Variants in ATF1 observed in about 807,000 individuals in gnomAD.
The protein encoded by ATF1 is cyclic AMP-dependent transcription factor ATF-1.
In ATF1, 16 loss-of-function variants were observed where a neutral mutation model predicts 34.7. That is an observed-to-expected ratio of 0.46 (90% CI 0.31 to 0.70). The LOEUF (loss-of-function observed/expected upper bound fraction) is 0.70. Among genes scored for constraint, ATF1 ranks in the 30% least tolerant of loss-of-function variants. The probability of loss-of-function intolerance (pLI) is 0.05; values close to 1 mark genes in which losing one functional copy is unlikely to be tolerated. For synonymous variants in ATF1, 105 were observed against 113.1 expected, an observed-to-expected ratio of 0.93 and a Z score of 0.46; for missense variants, 255 against 321.6, an observed-to-expected ratio of 0.79 and a Z score of 1.58.
rs913894290 is a variant in ATF1 at position 50,800,282 on chromosome 12, G to C, written c.194+4273G>C. Among the ~76,000 whole-genome samples the C allele has an allele frequency of 1.2e-4, 18 of 152,200 alleles. 1 individual carries two copies. Among genetic ancestry groups the C allele is most frequent in the Non-Finnish European group, 2.9e-5 (2 of 68,034 alleles). ...CTATGTCTACTGAAAACATCCTTCA[G>C]ACTTGGAGGTCAAATAAATATTCTC... On this transcript the variant is annotated intron_variant, in intron 3 of 6. Transcript: ENST00000262053.
At chr12:50,802,847 G>A (rs1233773290) in intron 3 of ATF1, among the ~76,000 whole-genome samples, 1 of 130,418 alleles carries the variant, frequency 7.7e-6, no homozygotes, top group African/African-American at 3.1e-5. Context: ...ACTCCAGCCT[G>A]GGTATCAGAA....
chr12:50,815,773 C>G (rs1490331795), intron 6 of ATF1, among the ~76,000 whole-genome samples: 1 of 151,934 alleles, frequency 6.6e-6, no homozygotes, highest in Non-Finnish European at 1.5e-5. Context: ...AGAAATCTAC[C>G]CAAAGGAAAA....
chr12:50,787,003 T>A (rs1262434098), intron 2 of ATF1, among the ~76,000 whole-genome samples: 1 of 152,188 alleles, frequency 6.6e-6, no homozygotes, highest in East Asian at 1.9e-4. Context: ...TAGAGGAATT[T>A]GAAGCTGGTA....
At chr12:50,779,182 T>G (rs1241658634) in intron 1 of ATF1, among the ~76,000 whole-genome samples, 1 of 152,244 alleles carries the variant, frequency 6.6e-6, no homozygotes, top group East Asian at 1.9e-4. Flanking sequence ...TTTGGGTTGC[T>G]TCCACCTTTT....
intron 6 of ATF1, among the ~76,000 whole-genome samples, chr12:50,816,481 C>T (rs1221709799): frequency 1.3e-5 from 2 of 152,122 alleles, no homozygotes; most frequent in African/African-American, 2.4e-5. Flanking sequence ...TTAACAAAAA[C>T]CTATTAATAC....
At chr12:50,797,313 G>A (rs1035381337) in intron 3 of ATF1, among the ~76,000 whole-genome samples, 1 of 152,178 alleles carries the variant, frequency 6.6e-6, no homozygotes, top group African/African-American at 2.4e-5. Context: ...GGTGTATGTT[G>A]TAAAGTAAAA....
intron 3 of ATF1, among the ~76,000 whole-genome samples, chr12:50,799,498 G>GA (rs1669691666): frequency 2.0e-5 from 3 of 152,142 alleles, no homozygotes; most frequent in Admixed American, 2.0e-4. Flanking sequence ...AAAGAACAAG[G>GA]AAAAATCTCA....
intron 2 of ATF1, among the ~76,000 whole-genome samples, chr12:50,784,702 T>G (rs188067859): frequency 2.0e-4 from 30 of 152,188 alleles, no homozygotes; most frequent in African/African-American, 6.0e-4. Context: ...CAGACTGCTT[T>G]GTGGAATAGA....
At chr12:50,784,566 G>A (rs1188897623) in intron 2 of ATF1, among the ~76,000 whole-genome samples, 1 of 152,140 alleles carries the variant, frequency 6.6e-6, no homozygotes, top group African/African-American at 2.4e-5. Flanking sequence ...TGCGAAGAGG[G>A]GAGAGTGCCA....
At chr12:50,792,554 G>A (rs1401242273) in intron 2 of ATF1, among the ~76,000 whole-genome samples, 1 of 152,144 alleles carries the variant, frequency 6.6e-6, no homozygotes, top group Non-Finnish European at 1.5e-5. Context: ...GTGGTCGAGA[G>A]TTGGAACTTT....
intron 1 of ATF1, among the ~76,000 whole-genome samples, chr12:50,772,890 C>T (rs1940812012): frequency 6.6e-6 from 1 of 152,128 alleles, no homozygotes; most frequent in Admixed American, 6.6e-5. Context: ...CATCCATTAG[C>T]TGTTCTTCCT....
chr12:50,799,712 G>A (rs1225731040), intron 3 of ATF1, among the ~76,000 whole-genome samples: 1 of 152,188 alleles, frequency 6.6e-6, no homozygotes, highest in Non-Finnish European at 1.5e-5. Context: ...AAGAAACACA[G>A]TAACAGAGAT....
At chr12:50,767,364 CA>C (rs1233553913) in intron 1 of ATF1, among the ~76,000 whole-genome samples, 1 of 151,976 alleles carries the variant, frequency 6.6e-6, no homozygotes, top group Admixed American at 6.6e-5. Flanking sequence ...ACTAAAAATA[CA>C]AAAAATTAGC....
chr12:50,777,802 G>C (rs1331748903), intron 1 of ATF1, among the ~76,000 whole-genome samples: 1 of 151,374 alleles, frequency 6.6e-6, no homozygotes, highest in African/African-American at 2.4e-5. Context: ...AATGTTTTCT[G>C]ACTTAGAAAA....
chr12:50,775,344 A>G lies in ATF1; in HGVS notation c.-6-4796A>G, dbSNP rs1196373590. On this transcript the variant is annotated intron_variant, in intron 1 of 6. Transcript: ENST00000262053. ...TGTGTGTTTTTTTTTTGATCATATT[A>G]GTTTCTATTAGAAGTAGGAATGTAT... Among the ~76,000 whole-genome samples the G allele has an allele frequency of 2.0e-5, 3 of 151,884 alleles. No homozygotes were observed. In the East Asian group the frequency reaches 5.8e-4, roughly 29 times the overall value.
intron 1 of ATF1, among the ~76,000 whole-genome samples, 173 bp from the exon 2 acceptor site, chr12:50,779,967 C>CT (rs1941018683): frequency 6.6e-6 from 1 of 151,954 alleles, no homozygotes; most frequent in Non-Finnish European, 1.5e-5. Flanking sequence ...TTTTTGTGGG[C>CT]CAAAATTCAA....
intron 1 of ATF1, among the ~76,000 whole-genome samples, chr12:50,774,921 G>C (rs928620309): frequency 2.6e-5 from 4 of 151,500 alleles, no homozygotes; most frequent in Non-Finnish European, 5.9e-5. Flanking sequence ...CTAATTTTTT[G>C]TATTTTTAGT....
rs1941911860 is a variant in ATF1, at chr12:50,819,767, T to C, written c.804T>C (p.Asn268=). Residue 268 remains asparagine (N), a synonymous_variant, in exon 7 of 7, where the codon AAT becomes AAC. Coordinates refer to ENST00000262053, the MANE Select transcript of ATF1 (RefSeq NM_005171.5). ...AAACTTTGAAGGATCTTTATTCCAATAAAAGTGTTTGATTCCTAAGAAAGA... is the reference window on the plus strand; with the variant it reads ...AAACTTTGAAGGATCTTTATTCCAACAAAAGTGTTTGATTCCTAAGAAAGA... ...ELKTLKDLYS[N]KSV 3.2e-6 allele frequency: 5 copies of C among 1,546,654 alleles called. No homozygotes were observed. The highest frequency in any genetic ancestry group is 4.4e-6 in the Non-Finnish European group (5 of 1,138,116).
intron 3 of ATF1, among the ~76,000 whole-genome samples, chr12:50,805,028 G>A (rs1941587315): frequency 6.6e-6 from 1 of 151,808 alleles, no homozygotes; most frequent in South Asian, 2.1e-4. Context: ...GTCCAGGCTG[G>A]TTTCGAGCTC....
Sources: gnomAD v4.1 joint callset for allele counts (sites outside exome capture counted in the v4.1 genomes callset) on GRCh38, gnomAD v4.1.1 for gene constraint, MANE v1.5 for transcripts, NCBI Gene and HGNC (gene_info 2026-07-23, HGNC 2026-07-21) for gene names.